The following ZNF473 variants were observed in gnomAD, a reference collection of about 807,000 sequenced individuals.
ZNF473 encodes zinc finger protein 473.
Under a neutral mutation model 11.1 loss-of-function variants are expected in ZNF473, and 4 were observed. The ratio of observed to expected loss-of-function variants is 0.36; its 90% CI spans 0.18 to 0.82. The LOEUF is 0.82. Ranked by LOEUF, ZNF473 falls within the 40% of genes least tolerant of loss-of-function variation. The pLI is 0.49. For synonymous variants in ZNF473, 404 were observed against 390.4 expected (o/e 1.03, Z -0.41); for missense variants, 854 against 1,084.0 (o/e 0.79, Z 2.98).
intron 2 of ZNF473, among the ~76,000 whole-genome samples, 189 bp from the exon 3 acceptor site, chr19:50,038,972 A>G (rs1456764621): frequency 6.6e-6 from 1 of 152,214 alleles, no homozygotes; most frequent in African/African-American, 2.4e-5. Flanking sequence ...GTCAAAGTCA[A>G]GGTCCTTTTC....
At chr19:50,038,446 C>T (rs1218468184) in intron 2 of ZNF473, among the ~76,000 whole-genome samples, 3 of 152,082 alleles carry the variant, frequency 2.0e-5, no homozygotes, top group Non-Finnish European at 4.4e-5. Flanking sequence ...AGTCAGGCCT[C>T]TGCTCTCCTG....
chr19:50,028,196 G>T (rs1259071336), intron 1 of ZNF473, among the ~76,000 whole-genome samples: 1 of 151,696 alleles, frequency 6.6e-6, no homozygotes, highest in Non-Finnish European at 1.5e-5. Context: ...TACTCAGGAG[G>T]CTGAGGCAGG....
At chr19:50,034,931 G>A (rs962493778) in intron 2 of ZNF473, among the ~76,000 whole-genome samples, 9 of 152,238 alleles carry the variant, frequency 5.9e-5, no homozygotes, top group African/African-American at 2.2e-4. Flanking sequence ...CTTATCACCT[G>A]TTCATTCATC....
At position 50,030,912 on chromosome 19, in the gene ZNF473, G is replaced by GTCC; in HGVS notation, c.-160_-158dup. The stretch of plus-strand genomic sequence containing the variant: ...TGCAGGGAGACTCACATTGGGACTT[G>GTCC]TCCTCCTCCTCCTGGACATTTTGGG... On this transcript the variant is annotated 5_prime_UTR_variant, in exon 2 of 5. Coordinates refer to ENST00000270617, the MANE Select transcript of ZNF473 (RefSeq NM_015428.4). 1 of 887,456 alleles carries GTCC rather than the reference G, an allele frequency of 1.1e-6. No individual in the cohort carries two copies. Among genetic ancestry groups the GTCC allele is most frequent in the South Asian group, 1.6e-5 (1 of 63,788 alleles). 55.0% of individuals were successfully genotyped at this position (887,456 alleles called of 1,614,324 possible).
At position 50,045,745 on chromosome 19, in the gene ZNF473, T is replaced by G; in HGVS notation, c.1302T>G (p.Ser434Arg). The G allele has an allele frequency of 6.2e-7, 1 of 1,614,010 alleles. No individual in the cohort carries two copies. The highest frequency in any genetic ancestry group is 8.5e-7 in the Non-Finnish European group (1 of 1,179,998). ...VHSGEKPYKC[S>R]ECGKAFHRHT... The stretch of plus-strand genomic sequence containing the variant: ...GTGGAGAGAAGCCTTACAAATGCAG[T>G]GAGTGTGGGAAGGCCTTCCACCGGC... The change falls in exon 5 of 5, where the codon AGT (serine) becomes AGG (arginine). Residue 434 changes from serine (S) to arginine (R), a missense_variant. By Grantham distance (110) the Ser-to-Arg change is moderately radical (BLOSUM62 -1). This residue lies in a region of ZNF473 where 668 missense variants were observed against 790.2 expected (regional missense o/e 0.85). Transcript: ENST00000270617.
At chr19:50,027,707 GT>G (rs143780611) in intron 1 of ZNF473, among the ~76,000 whole-genome samples, 7,904 of 148,306 alleles carry the variant, frequency 0.053, 673 homozygotes, top group African/African-American at 0.18. Flanking sequence ...GGAGAATTGT[GT>G]TTTTTTTTTG....
intron 1 of ZNF473, among the ~76,000 whole-genome samples, chr19:50,029,736 A>T (rs2077307794): frequency 6.6e-6 from 1 of 152,254 alleles, no homozygotes; most frequent in South Asian, 2.1e-4. Flanking sequence ...TTTTTAATGA[A>T]GTAGAATAAA....
intron 1 of ZNF473, among the ~76,000 whole-genome samples, chr19:50,028,181 C>A (rs2122793158): frequency 6.6e-6 from 1 of 151,992 alleles, no homozygotes; most frequent in South Asian, 2.1e-4. Context: ...GCTTGTAGTC[C>A]CAGCTACTCA....
Position 50,039,312 on chromosome 19 carries a change from C to T in ZNF473, c.136+25C>T, listed in dbSNP as rs1413968700. Reference sequence around the variant, plus strand: ...GGTGAGTGTTGCCTGTCCCCAGGGGCCTACTCACTGCCCTGCTTGGTGATC... The same window carrying T: ...GGTGAGTGTTGCCTGTCCCCAGGGGTCTACTCACTGCCCTGCTTGGTGATC... On this transcript the variant is annotated intron_variant, in intron 3 of 4. Transcript: ENST00000270617. This position sits in a 1 kb window ranked among gnomAD's most constrained non-coding sequence, Gnocchi z 4.8. The T allele has an allele frequency of 1.2e-6, 2 of 1,613,162 alleles. No homozygotes were observed. The highest frequency in any genetic ancestry group is 1.7e-6 in the Non-Finnish European group (2 of 1,179,398).
In ZNF473 at chr19:50,045,772, C is replaced by T. The variant is rs181035218; in HGVS notation, c.1329C>T (p.His443=). 4 of 1,614,122 alleles carry T rather than the reference C, an allele frequency of 2.5e-6. No homozygotes were observed. The Admixed American group carries it at 5.0e-5, about 20-fold the overall frequency. Residue 443 remains histidine (H), a synonymous_variant, in exon 5 of 5, where the codon CAC becomes CAT. Coordinates refer to ENST00000270617, the MANE Select transcript of ZNF473 (RefSeq NM_015428.4). ...CSECGKAFHR[H]THLNEHRRIH... ...AGTGTGGGAAGGCCTTCCACCGGCA[C>T]ACTCACCTTAATGAACATCGGCGAA... is the stretch of plus-strand genomic sequence containing the variant.
chr19:50,033,015 G>T (rs888056633), intron 2 of ZNF473, among the ~76,000 whole-genome samples: 2 of 152,126 alleles, frequency 1.3e-5, no homozygotes, highest in African/African-American at 4.8e-5. Context: ...CCTCTGTAAA[G>T]ACCCCATTTC....
At position 50,039,150 on chromosome 19, in the gene ZNF473, C is replaced by T. The variant is rs769692475; in HGVS notation, c.10-11C>T. 5.0e-6 allele frequency: 8 copies of T among 1,613,748 alleles called. No homozygotes were observed. Among genetic ancestry groups the T allele is most frequent in the African/African-American group, 4.0e-5 (3 of 74,926 alleles). ...CAGCCTCTGAGTGACCAATAGTGTA[C>T]TGTGTTTCAGGAATTTGTGACCCTC... On this transcript the variant is annotated splice_polypyrimidine_tract_variant and intron_variant, in intron 2 of 4. Coordinates refer to ENST00000270617, the MANE Select transcript of ZNF473 (RefSeq NM_015428.4). The surrounding 1 kb of genome is among the most constrained non-coding windows in gnomAD (Gnocchi z 4.8).
intron 2 of ZNF473, among the ~76,000 whole-genome samples, chr19:50,037,193 C>T (rs1303581866): frequency 6.6e-6 from 1 of 152,120 alleles, no homozygotes; most frequent in Non-Finnish European, 1.5e-5. Flanking sequence ...TATGCAGTCA[C>T]CTCCCAGCAG....
chr19:50,044,641 A>G, intron 4 of ZNF473, 29 bp from the exon 5 acceptor site: 1 of 1,556,898 alleles, frequency 6.4e-7, no homozygotes, highest in South Asian at 1.2e-5. Context: ...CCCTTAGTGA[A>G]CAGGAGACAT....
intron 1 of ZNF473, among the ~76,000 whole-genome samples, chr19:50,027,019 G>A (rs765266560): frequency 2.6e-5 from 4 of 152,118 alleles, no homozygotes; most frequent in Non-Finnish European, 5.9e-5. Context: ...TGTGCCAGGC[G>A]CCCTGCTGGA....
At position 50,046,559 on chromosome 19, in the gene ZNF473, G is replaced by A. The variant is rs200067761; in HGVS notation, c.2116G>A (p.Glu706Lys). Residue 706 changes from glutamate to lysine, a missense_variant, in exon 5 of 5, where the codon GAA (glutamate) becomes AAA (lysine). This residue lies in a region of ZNF473 where 186 missense variants were observed against 293.8 expected (regional missense o/e 0.63). Coordinates refer to ENST00000270617, the MANE Select transcript of ZNF473 (RefSeq NM_015428.4). This position sits in a 1 kb window ranked among gnomAD's most constrained non-coding sequence, Gnocchi z 5.9. ...CAGAAAGAAGCCGTTGGTGTGTAAC[G>A]AATGCGGGAAAACGTTCCGTCAGAG... ...HARKKPLVCN[E>K]CGKTFRQSSC... The A allele has an allele frequency of 5.0e-6, 8 of 1,614,216 alleles. No individual in the cohort carries two copies. The highest frequency in any genetic ancestry group is 2.2e-5 in the East Asian group (1 of 44,894).
At chr19:50,038,009 ATTT>A (rs11462425) in intron 2 of ZNF473, among the ~76,000 whole-genome samples, 2,203 of 134,886 alleles carry the variant, frequency 0.016, 59 homozygotes, top group African/African-American at 0.058. Context: ...ATAGTAGAAA[ATTT>A]TTTTTTTTTT....
At chr19:50,035,222 G>GT (rs1173194831) in intron 2 of ZNF473, among the ~76,000 whole-genome samples, 1 of 152,042 alleles carries the variant, frequency 6.6e-6, no homozygotes, top group African/African-American at 2.4e-5. Context: ...AGCCCAAGAA[G>GT]GTTGAGGCTA....
At chr19:50,032,716 G>T (rs1439536540) in intron 2 of ZNF473, among the ~76,000 whole-genome samples, 1 of 150,668 alleles carries the variant, frequency 6.6e-6, no homozygotes, top group Non-Finnish European at 1.5e-5. Context: ...TCCCAGTCTT[G>T]GAGGCCAGAA....
Sources: gnomAD v4.1 joint callset for allele counts (sites outside exome capture counted in the v4.1 genomes callset) on GRCh38, gnomAD v4.1.1 for gene constraint, gnomAD v4.1.1 regional missense constraint, Gnocchi (gnomAD v3.1) non-coding constraint, MANE v1.5 for transcripts, NCBI Gene and HGNC (gene_info 2026-07-23, HGNC 2026-07-21) for gene names.